Variants in PDE1C observed in about 807,000 individuals in gnomAD.
PDE1C encodes phosphodiesterase 1C.
PDE1C carries 62 observed loss-of-function variants against 93.1 expected under a neutral mutation model. That is an observed-to-expected ratio of 0.67 (90% CI 0.54 to 0.82). PDE1C has a LOEUF of 0.82. Ranked by LOEUF, PDE1C falls within the 40% of genes least tolerant of loss-of-function variation. PDE1C has a pLI of 0.00. For missense variants in PDE1C, 742 were observed against 884.6 expected, an observed-to-expected ratio of 0.84 and a Z score of 2.04; for synonymous variants, 325 against 310.1, an observed-to-expected ratio of 1.05 and a Z score of -0.50.
chr7:32,258,285 G>C (rs79642107), intron 1 of PDE1C, among the ~76,000 whole-genome samples: 31 of 152,096 alleles, frequency 2.0e-4, no homozygotes, highest in Admixed American at 1.7e-3. Flanking sequence ...CCTACTTCTC[G>C]GAATTAACTT....
chr7:32,146,181 T>C (rs1437241164), intron 3 of PDE1C, among the ~76,000 whole-genome samples: 1 of 152,150 alleles, frequency 6.6e-6, no homozygotes, highest in Non-Finnish European at 1.5e-5. Flanking sequence ...ACTCTGCATT[T>C]CTGTTAACAG....
chr7:31,927,837 C>T (rs949320814), intron 2 of PDE1C, among the ~76,000 whole-genome samples: 3 of 152,112 alleles, frequency 2.0e-5, no homozygotes, highest in Non-Finnish European at 4.4e-5. Context: ...GAGGAAAAAC[C>T]AGTGCAAAAA....
intron 1 of PDE1C, among the ~76,000 whole-genome samples, chr7:32,212,462 C>G (rs1357585559): frequency 1.3e-5 from 2 of 152,182 alleles, no homozygotes; most frequent in African/African-American, 4.8e-5. Flanking sequence ...TCCCTACAAA[C>G]ATACCCAATG....
At chr7:32,071,470 C>T, upstream of PDE1C, 1 of 956,274 alleles carries the variant, frequency 1.0e-6, no homozygotes, top group East Asian at 1.2e-4. Flanking sequence ...CTCTCTCCTC[C>T]CTCATTCCCT....
chr7:31,970,150 A>C (rs1418565814), intron 2 of PDE1C, among the ~76,000 whole-genome samples: 3 of 152,198 alleles, frequency 2.0e-5, no homozygotes, highest in African/African-American at 4.8e-5. Context: ...AATAATAATA[A>C]AATTTTTTTA....
chr7:31,677,567 T>A, the PDE1C span, among the ~76,000 whole-genome samples: 2 of 152,260 alleles, frequency 1.3e-5, no homozygotes, highest in South Asian at 4.1e-4. Context: ...TCTCCCCAGG[T>A]GCAGAAGTAT....
intron 1 of PDE1C, among the ~76,000 whole-genome samples, chr7:32,418,740 C>CCAAA (rs901919865): frequency 3.3e-5 from 5 of 152,026 alleles, no homozygotes; most frequent in African/African-American, 1.2e-4. Context: ...TAATAAAGTC[C>CCAAA]CAAACAAACA....
rs545712224 is a variant in PDE1C, at chr7:32,210,352, G to A, written c.86-813C>T. 5.3e-5 allele frequency among the ~76,000 whole-genome samples: 8 copies of A among 152,256 alleles called. No individual in the cohort carries two copies. In the South Asian group the frequency reaches 1.5e-3, roughly 28 times the overall value. ...GACATGGGTATTTGTGATCTACTTGGATAAATGCCTAAAGCAATCAACAAG... is the reference window on the plus strand; with the variant it reads ...GACATGGGTATTTGTGATCTACTTGAATAAATGCCTAAAGCAATCAACAAG... On this transcript the variant is annotated intron_variant, in intron 1 of 18. Transcript: ENST00000396193.
intron 2 of PDE1C, among the ~76,000 whole-genome samples, chr7:31,950,808 A>G (rs1450375924): frequency 6.6e-6 from 1 of 152,226 alleles, no homozygotes; most frequent in African/African-American, 2.4e-5. Flanking sequence ...TTTTAGCTTG[A>G]AATTCTATTA....
At chr7:32,319,435 G>A (rs905766660) in intron 1 of PDE1C, among the ~76,000 whole-genome samples, 5 of 139,880 alleles carry the variant, frequency 3.6e-5, no homozygotes, top group African/African-American at 1.3e-4. Context: ...GGAGCCATTG[G>A]GCCGTGGGCA....
chr7:31,797,858 T>C (rs1158786380), intron 16 of PDE1C, among the ~76,000 whole-genome samples: 2 of 151,722 alleles, frequency 1.3e-5, no homozygotes, highest in African/African-American at 4.8e-5. Flanking sequence ...TACTCCAAGA[T>C]ATTAACACAT....
At chr7:32,405,849 T>C (rs1226323789) in intron 1 of PDE1C, among the ~76,000 whole-genome samples, 3 of 151,972 alleles carry the variant, frequency 2.0e-5, no homozygotes, top group Non-Finnish European at 4.4e-5. Flanking sequence ...GTAAGAAGAG[T>C]TTTTGCAGGA....
the PDE1C span, among the ~76,000 whole-genome samples, chr7:31,641,123 A>G: frequency 6.6e-6 from 1 of 152,172 alleles, no homozygotes; most frequent in Non-Finnish European, 1.5e-5. Flanking sequence ...AGGGAGAAGA[A>G]TGATGCTGCT....
chr7:32,369,169 T>C (rs13236795), intron 1 of PDE1C, among the ~76,000 whole-genome samples: 2 of 152,144 alleles, frequency 1.3e-5, no homozygotes, highest in African/African-American at 2.4e-5. Context: ...AAAAAGCTTC[T>C]ATACAGCAAA....
chr7:31,884,233 A>G (rs542916709), intron 2 of PDE1C, among the ~76,000 whole-genome samples: 2 of 152,282 alleles, frequency 1.3e-5, no homozygotes, highest in East Asian at 3.9e-4. Context: ...GAAGAGATGC[A>G]GCAATAAAGA....
chr7:31,663,371 C>G, the PDE1C span, among the ~76,000 whole-genome samples: 3 of 152,178 alleles, frequency 2.0e-5, no homozygotes, highest in Admixed American at 1.3e-4. Flanking sequence ...AGGAGTAGGA[C>G]TGTGATAGGC....
chr7:32,367,299 T>C (rs913343930), intron 1 of PDE1C, among the ~76,000 whole-genome samples: 23 of 151,956 alleles, frequency 1.5e-4, no homozygotes, highest in Admixed American at 1.3e-3. Flanking sequence ...ATCTTATCAC[T>C]ACAGAAAATG....
intron 2 of PDE1C, among the ~76,000 whole-genome samples, chr7:31,885,630 G>C (rs772268247): frequency 6.6e-6 from 1 of 152,198 alleles, no homozygotes; most frequent in African/African-American, 2.4e-5. Flanking sequence ...TTGGAAGAGG[G>C]GAACTATGTG....
Position 31,837,964 on chromosome 7 carries a change from G to C in PDE1C, c.988C>G (p.Arg330Gly). ...ATCACCATTTCAATTACCAAGGTTC[G>C]AAACTCCCTTTTAGAGACAACCATG... ...NLSKDDWREF[R>G]TLVIEMVMAT... Residue 330 changes from arginine to glycine, a missense_variant, in exon 10 of 18, where the codon CGA (arginine) becomes GGA (glycine). Transcript: ENST00000396191. The C allele has an allele frequency of 3.1e-6, 5 of 1,607,314 alleles. No individual in the cohort carries two copies. The highest frequency in any genetic ancestry group is 4.3e-6 in the Non-Finnish European group (5 of 1,174,012).
Sources: allele counts gnomAD v4.1 joint callset (sites outside exome capture counted in the v4.1 genomes callset), GRCh38; gene constraint gnomAD v4.1.1; transcripts MANE v1.5; gene names NCBI Gene and HGNC (gene_info 2026-07-23, HGNC 2026-07-21).